Variants in RAVER2 observed in about 807,000 individuals in gnomAD.
RAVER2 encodes the protein ribonucleoprotein, PTB binding 2.
A neutral mutation model predicts 78.1 loss-of-function variants in RAVER2; 46 were observed. The ratio of observed to expected loss-of-function variants is 0.59; its 90% CI spans 0.46 to 0.75. The LOEUF is 0.75. Ranked by LOEUF, RAVER2 falls within the 30% of genes least tolerant of loss-of-function variation. The probability of loss-of-function intolerance (pLI) is 0.00; values close to 1 mark genes in which losing one functional copy is unlikely to be tolerated. For synonymous variants in RAVER2, 311 were observed against 313.3 expected, an observed-to-expected ratio of 0.99 and a Z score of 0.08; for missense variants, 793 against 837.5, an observed-to-expected ratio of 0.95 and a Z score of 0.66.
At position 64,790,819 on chromosome 1, in the gene RAVER2, C is replaced by T. The variant is rs371457992; in HGVS notation, c.1105+1305C>T. 1.9e-4 allele frequency among the ~76,000 whole-genome samples: 29 copies of T among 152,202 alleles called. No homozygotes were observed. In the East Asian group the frequency reaches 3.9e-3, roughly 20 times the overall value. On this transcript the variant is annotated intron_variant, in intron 5 of 11. Coordinates refer to ENST00000294428, the Ensembl canonical transcript of RAVER2. ...TTAAATACATTTATTATGTTTCAGT[C>T]CCAACTGGTCTAACACCAGCTCACC...
chr1:64,805,138 AAC>A, intron 8 of RAVER2, 33 bp downstream of exon 8: 1 of 1,562,490 alleles, frequency 6.4e-7, no homozygotes, highest in Admixed American at 1.7e-5. Context: ...GAAGTCAGTA[AAC>A]AGTCAGGTTT....
At chr1:64,824,656 G>A (rs572801614) in intron 11 of RAVER2, among the ~76,000 whole-genome samples, 7 of 152,238 alleles carry the variant, frequency 4.6e-5, no homozygotes, top group South Asian at 2.1e-4. Context: ...TCGGCTGGGC[G>A]GGGTGGCTCA....
chr1:64,815,042 C>T (rs980170657), intron 11 of RAVER2: 2 of 360,700 alleles, frequency 5.5e-6, no homozygotes, highest in Middle Eastern at 8.3e-4. Flanking sequence ...AGATATTTAC[C>T]TCTCACTGTT....
chr1:64,809,102 A>C (rs1376448696), intron 9 of RAVER2, among the ~76,000 whole-genome samples: 2 of 152,218 alleles, frequency 1.3e-5, no homozygotes, highest in Admixed American at 1.3e-4. Context: ...GTCATACAGT[A>C]TTGTGTGTAC....
intron 5 of RAVER2, among the ~76,000 whole-genome samples, chr1:64,790,091 A>T (rs774561029): frequency 3.4e-4 from 51 of 152,226 alleles, no homozygotes; most frequent in Non-Finnish European, 5.3e-4. Flanking sequence ...TCTGAAATGT[A>T]CAACTTTTTA....
chr1:64,748,681 T>C (rs1488746026), intron 1 of RAVER2, among the ~76,000 whole-genome samples: 1 of 152,224 alleles, frequency 6.6e-6, no homozygotes, highest in Admixed American at 6.5e-5. Context: ...TTATGGAAAA[T>C]GTACTATATT....
chr1:64,829,511 A>G (rs1654075296), intron 11 of RAVER2, among the ~76,000 whole-genome samples: 1 of 152,212 alleles, frequency 6.6e-6, no homozygotes, highest in African/African-American at 2.4e-5. Flanking sequence ...AAGAGGCTGG[A>G]GACTGGGAGG....
chr1:64,787,559 T>C (rs1285107125), intron 4 of RAVER2, among the ~76,000 whole-genome samples: 4 of 152,146 alleles, frequency 2.6e-5, no homozygotes, highest in Non-Finnish European at 1.5e-5. Flanking sequence ...AACTCTTCTA[T>C]CCTGCAGAGT....
intron 11 of RAVER2, among the ~76,000 whole-genome samples, chr1:64,817,666 C>T (rs576993838): frequency 3.3e-5 from 5 of 150,112 alleles, no homozygotes; most frequent in African/African-American, 1.2e-4. Context: ...GAAAACCAAA[C>T]ACCACATGTT....
chr1:64,809,056 C>A (rs2780829), intron 9 of RAVER2, among the ~76,000 whole-genome samples: 1 of 152,050 alleles, frequency 6.6e-6, no homozygotes, highest in Non-Finnish European at 1.5e-5. Flanking sequence ...AAAGGGACAA[C>A]CAAACATATA....
In RAVER2 at chr1:64,778,878, C is replaced by A. The variant is rs370571250; in HGVS notation, c.786+786C>A. The stretch of plus-strand genomic sequence containing the variant: ...TGTTGTTTCCTCTCCTCCTTTGCAT[C>A]TTTTCTTTAATCATACATTTGTTGA... On this transcript the variant is annotated intron_variant, in intron 3 of 11. Transcript: ENST00000294428. Among the ~76,000 whole-genome samples the A allele has an allele frequency of 8.1e-5, 12 of 148,670 alleles. 4 individuals are homozygous for A.
chr1:64,817,003 A>G (rs888056943), intron 11 of RAVER2, among the ~76,000 whole-genome samples: 7 of 152,256 alleles, frequency 4.6e-5, no homozygotes, highest in African/African-American at 1.7e-4. Flanking sequence ...CAATCTACTC[A>G]TCTGACAAAG....
chr1:64,745,562 CTG>C lies in RAVER2; in HGVS notation c.249+142_249+143del. On this transcript the variant is annotated intron_variant, in intron 1 of 11. Coordinates refer to ENST00000294428, the Ensembl canonical transcript of RAVER2. The surrounding 1 kb of genome is among the most constrained non-coding windows in gnomAD (Gnocchi z 4.3). ...TGGTGAGAGCGGCCCCTCGGTTTGA[CTG>C]AGTTCTTGGGGTTTCTAGCCTGCAG... 1 of 1,166,876 alleles carries C rather than the reference CTG, an allele frequency of 8.6e-7. No homozygotes were observed. The highest frequency in any genetic ancestry group is 1.1e-6 in the Non-Finnish European group (1 of 894,612). The allele number at this position is 1,166,876 out of a possible 1,614,324, so 72.3% of individuals were successfully genotyped here. A position where few individuals can be genotyped will look rare whatever the true frequency, so the allele number is the denominator to read the frequency against.
intron 8 of RAVER2, among the ~76,000 whole-genome samples, 154 bp from the exon 9 acceptor site, chr1:64,807,052 C>A (rs1653435223): frequency 1.3e-5 from 2 of 152,084 alleles, no homozygotes; most frequent in Non-Finnish European, 2.9e-5. Context: ...AAGGAACCCA[C>A]TAATTAACAA....
At chr1:64,830,574 A>G (rs920576343) in intron 11 of RAVER2, among the ~76,000 whole-genome samples, 1 of 152,180 alleles carries the variant, frequency 6.6e-6, no homozygotes, top group African/African-American at 2.4e-5. Flanking sequence ...GCAGTGCTCT[A>G]ATTTTTTCTT....
At chr1:64,819,630 C>T (rs1653835308) in intron 11 of RAVER2, among the ~76,000 whole-genome samples, 1 of 152,184 alleles carries the variant, frequency 6.6e-6, no homozygotes, top group African/African-American at 2.4e-5. Flanking sequence ...ATCTAACAGG[C>T]TCAGAGGCCC....
chr1:64,760,303 C>T (rs1651986136), intron 1 of RAVER2, among the ~76,000 whole-genome samples: 2 of 152,178 alleles, frequency 1.3e-5, no homozygotes, highest in African/African-American at 4.8e-5. Context: ...GCAGTCTGTG[C>T]CTTTCTTTCC....
chr1:64,808,158 T>A (rs1450445918), intron 9 of RAVER2, among the ~76,000 whole-genome samples: 2 of 152,180 alleles, frequency 1.3e-5, no homozygotes, highest in East Asian at 3.8e-4. Context: ...CTGGAAGATT[T>A]TACCGAATCA....
chr1:64,791,434 T>G (rs74080713), intron 5 of RAVER2, among the ~76,000 whole-genome samples: 316 of 152,272 alleles, frequency 2.1e-3, no homozygotes, highest in African/African-American at 7.4e-3. Context: ...CCTGAAGCTA[T>G]CTATGTGTCC....
Sources: allele counts gnomAD v4.1 joint callset (sites outside exome capture counted in the v4.1 genomes callset), GRCh38; gene constraint gnomAD v4.1.1; non-coding constraint Gnocchi (gnomAD v3.1); transcripts MANE v1.5; gene names NCBI Gene and HGNC (gene_info 2026-07-23, HGNC 2026-07-21).